Variants in WDR27 observed in about 807,000 individuals in gnomAD.
The protein encoded by WDR27 is WD repeat-containing protein 27.
In WDR27, 100 loss-of-function variants were observed where a neutral mutation model predicts 114.4. That is an observed-to-expected ratio of 0.87 (90% CI 0.74 to 1.03). The LOEUF (loss-of-function observed/expected upper bound fraction) is 1.03, where lower values mean the gene tolerates loss of function less well. Ranked by LOEUF, WDR27 falls within the 50% of genes least tolerant of loss-of-function variation. The probability of loss-of-function intolerance (pLI) is 0.00; values close to 1 mark genes in which losing one functional copy is unlikely to be tolerated. For missense variants in WDR27, 1,129 were observed against 1,092.9 expected (o/e 1.03, Z -0.47); for synonymous variants, 449 against 423.1 (o/e 1.06, Z -0.75).
the WDR27 span, chr6:169,426,626 A>G: frequency 1.6e-4 from 25 of 152,298 alleles, no homozygotes; most frequent in East Asian, 4.6e-3. Flanking sequence ...TGACACAGCC[A>G]CAGTCCACCA....
At chr6:169,561,196 G>A (rs1268122772) in intron 25 of WDR27, among the ~76,000 whole-genome samples, 1 of 152,074 alleles carries the variant, frequency 6.6e-6, no homozygotes, top group Non-Finnish European at 1.5e-5. Flanking sequence ...CATAGACAGT[G>A]CCTTCTCACT....
chr6:169,524,612 C>T (rs772614431), intron 25 of WDR27, among the ~76,000 whole-genome samples: 66 of 151,976 alleles, frequency 4.3e-4, no homozygotes, highest in Non-Finnish European at 8.7e-4. Context: ...GAATAGAGAC[C>T]CAGATATAAA....
At chr6:169,643,425 G>A (rs529397486) in intron 17 of WDR27, among the ~76,000 whole-genome samples, 4 of 152,152 alleles carry the variant, frequency 2.6e-5, no homozygotes, top group Non-Finnish European at 5.9e-5. Context: ...TTTAGGATTT[G>A]ACTTCATTCA....
intron 22 of WDR27, among the ~76,000 whole-genome samples, chr6:169,606,463 TCTC>T (rs551688326): frequency 4.5e-4 from 68 of 152,260 alleles, no homozygotes; most frequent in African/African-American, 1.4e-3. Context: ...ATCCTCTTCC[TCTC>T]CTTACTCCGC....
intron 25 of WDR27, among the ~76,000 whole-genome samples, chr6:169,479,224 A>G (rs1460645120): frequency 6.6e-6 from 1 of 152,226 alleles, no homozygotes. Context: ...AAATGGGCAA[A>G]GGGCATGAAT....
Position 169,638,666 on chromosome 6 carries a change from A to C in WDR27, c.1748-6T>G. The C allele has an allele frequency of 6.3e-7, 1 of 1,597,510 alleles. No individual in the cohort carries two copies. Among genetic ancestry groups the C allele is most frequent in the East Asian group, 2.3e-5 (1 of 44,084 alleles). ...ATTCACTGCCCCGTCGTGACCTAAC[A>C]GGAATGACCACAGAAGGTTACTATT... is the stretch of plus-strand genomic sequence containing the variant. On this transcript the variant is annotated splice_region_variant and splice_polypyrimidine_tract_variant and intron_variant, in intron 17 of 25. Coordinates refer to ENST00000448612, the MANE Select transcript of WDR27 (RefSeq NM_182552.5).
intron 25 of WDR27, among the ~76,000 whole-genome samples, chr6:169,496,559 CAA>C (rs1790433936): frequency 1.3e-5 from 2 of 152,012 alleles, no homozygotes; most frequent in Admixed American, 6.5e-5. Flanking sequence ...ACAGATTCCA[CAA>C]AAGTGTGTTA....
intron 25 of WDR27, among the ~76,000 whole-genome samples, chr6:169,563,667 T>C (rs760948): frequency 0.57 from 87,372 of 152,084 alleles, 28,558 homozygotes; most frequent in Non-Finnish European, 0.72. Context: ...CATTAAGATA[T>C]AAGTTTAATC....
chr6:169,473,874 G>T (rs970301636), intron 25 of WDR27, among the ~76,000 whole-genome samples: 1 of 152,202 alleles, frequency 6.6e-6, no homozygotes, highest in Non-Finnish European at 1.5e-5. Context: ...GCAACAAAAA[G>T]CTGGGATCTC....
chr6:169,554,278 T>C (rs1183188115), intron 25 of WDR27, among the ~76,000 whole-genome samples: 1 of 152,166 alleles, frequency 6.6e-6, no homozygotes, highest in Non-Finnish European at 1.5e-5. Context: ...GGGACGGGGC[T>C]GCAGTCGGGC....
chr6:169,595,278 T>C (rs766483450), intron 23 of WDR27, among the ~76,000 whole-genome samples: 3 of 152,236 alleles, frequency 2.0e-5, no homozygotes, highest in Non-Finnish European at 4.4e-5. Flanking sequence ...ACGGTTTATT[T>C]TATTTGTCCT....
the WDR27 span, among the ~76,000 whole-genome samples, chr6:169,435,256 C>A: frequency 1.3e-5 from 2 of 152,208 alleles, no homozygotes. Flanking sequence ...GGGGTGGGAG[C>A]CCCACGGAGA....
In WDR27 at chr6:169,658,268, G is replaced by A. The variant is rs1462800861; in HGVS notation, c.1402+8C>T. ...GTATTCTTAGATCTCACAGCACCCT[G>A]TACTGACCACGTCGCTGTTCACTAG... On this transcript the variant is annotated splice_region_variant and intron_variant, in intron 13 of 25. Transcript: ENST00000448612. The A allele has an allele frequency of 6.3e-7, 1 of 1,593,304 alleles. No individual in the cohort carries two copies. The highest frequency in any genetic ancestry group is 8.6e-7 in the Non-Finnish European group (1 of 1,169,426).
intron 7 of WDR27, chr6:169,664,904 AGCGTGCGG>A (rs1193584580): frequency 3.1e-6 from 3 of 954,682 alleles, no homozygotes; most frequent in Non-Finnish European, 1.2e-6. Context: ...GGGCGCGGGC[AGCGTGCGG>A]GCACGGGGGA....
intron 25 of WDR27, among the ~76,000 whole-genome samples, chr6:169,466,257 T>C (rs150509665): frequency 6.6e-6 from 1 of 152,160 alleles, no homozygotes; most frequent in South Asian, 2.1e-4. Flanking sequence ...AGCTCTCTTA[T>C]ATGCCGTAGT....
At chr6:169,487,539 TCATGCTTGAGGTTA>T (rs1390388571) in intron 25 of WDR27, among the ~76,000 whole-genome samples, 1 of 152,134 alleles carries the variant, frequency 6.6e-6, no homozygotes, top group Admixed American at 6.5e-5. Flanking sequence ...GTCGCAAACC[TCATGCTTGAGGTTA>T]CAGTGGGGAA....
intron 22 of WDR27, among the ~76,000 whole-genome samples, chr6:169,611,525 C>CA (rs1245660138): frequency 6.6e-6 from 1 of 151,990 alleles, no homozygotes; most frequent in Non-Finnish European, 1.5e-5. Flanking sequence ...AGGCTGGTCT[C>CA]AAACTCCTGA....
At chr6:169,465,461 G>A (rs1243267872) in intron 25 of WDR27, among the ~76,000 whole-genome samples, 1 of 152,066 alleles carries the variant, frequency 6.6e-6, no homozygotes, top group African/African-American at 2.4e-5. Context: ...GTAAAATGGT[G>A]CAGCTGCTAT....
the WDR27 span, among the ~76,000 whole-genome samples, chr6:169,444,974 G>T: frequency 6.6e-6 from 1 of 152,136 alleles, no homozygotes; most frequent in African/African-American, 2.4e-5. Context: ...GTAAGCTCAG[G>T]GTGAGGATCA....
Sources: gnomAD v4.1 joint callset for allele counts (sites outside exome capture counted in the v4.1 genomes callset) on GRCh38, gnomAD v4.1.1 for gene constraint, MANE v1.5 for transcripts, NCBI Gene and HGNC (gene_info 2026-07-23, HGNC 2026-07-21) for gene names.